CNIH3: variants seen among roughly 807,000 people sequenced by gnomAD.
The protein encoded by CNIH3 is protein cornichon homolog 3.
In CNIH3, 14 loss-of-function variants were observed where a neutral mutation model predicts 24.1. The observed-to-expected ratio is 0.58, with a 90% CI of 0.38 to 0.91. The LOEUF (loss-of-function observed/expected upper bound fraction) is 0.91, where lower values mean the gene tolerates loss of function less well. Ranked by LOEUF, CNIH3 falls within the 40% of genes least tolerant of loss-of-function variation. CNIH3 has a pLI of 0.00. For missense variants in CNIH3, 178 were observed against 196.8 expected, an observed-to-expected ratio of 0.90 and a Z score of 0.57; for synonymous variants, 68 against 73.8, an observed-to-expected ratio of 0.92 and a Z score of 0.40.
intron 1 of CNIH3, among the ~76,000 whole-genome samples, chr1:224,461,943 T>C (rs941702817): frequency 2.6e-5 from 4 of 152,248 alleles, no homozygotes; most frequent in Admixed American, 6.5e-5. Context: ...CACAGTGTTT[T>C]CAATGTTCAT....
At chr1:224,438,115 G>A (rs1020596135) in intron 1 of CNIH3, among the ~76,000 whole-genome samples, 14 of 151,914 alleles carry the variant, frequency 9.2e-5, no homozygotes, top group African/African-American at 3.4e-4. Context: ...TAGTAGAGAC[G>A]GGGTTTCACC....
chr1:224,579,253 G>A (rs969025), intron 4 of CNIH3, among the ~76,000 whole-genome samples: 34,182 of 151,650 alleles, frequency 0.23, 4,191 homozygotes, highest in Admixed American at 0.33. Context: ...GTTGTTTTCT[G>A]TTTATTTATT....
intron 3 of CNIH3, among the ~76,000 whole-genome samples, chr1:224,597,154 A>AAAACAAAC (rs1041297030): frequency 7.0e-6 from 1 of 143,398 alleles, no homozygotes; most frequent in African/African-American, 2.6e-5. Flanking sequence ...CTCTGTCTCA[A>AAAACAAAC]AAACAAACAA....
intron 3 of CNIH3, among the ~76,000 whole-genome samples, chr1:224,685,254 C>A (rs1393600146): frequency 6.6e-6 from 1 of 152,152 alleles, no homozygotes; most frequent in Non-Finnish European, 1.5e-5. Context: ...GAGGTTGCAG[C>A]GTGTCACGCA....
At chr1:224,554,659 G>A (rs1005474906) in intron 3 of CNIH3, among the ~76,000 whole-genome samples, 14 of 151,790 alleles carry the variant, frequency 9.2e-5, no homozygotes, top group African/African-American at 3.1e-4. Flanking sequence ...TCACGGCTTA[G>A]TGAAGCCTTG....
intron 1 of CNIH3, among the ~76,000 whole-genome samples, chr1:224,626,362 T>C (rs1194234684): frequency 6.6e-6 from 1 of 152,200 alleles, no homozygotes; most frequent in Non-Finnish European, 1.5e-5. Context: ...AATGCACAGC[T>C]AGATCCTGAA....
At chr1:224,551,389 G>A (rs1252704427) in intron 3 of CNIH3, among the ~76,000 whole-genome samples, 2 of 152,138 alleles carry the variant, frequency 1.3e-5, no homozygotes, top group African/African-American at 4.8e-5. Flanking sequence ...ATACTATGCA[G>A]CCATAAAAAA....
At chr1:224,674,736 T>C (rs116656568) in intron 1 of CNIH3, among the ~76,000 whole-genome samples, 1,582 of 152,048 alleles carry the variant, frequency 0.01, 9 homozygotes, top group Non-Finnish European at 0.015. Context: ...ACTTCTAGCG[T>C]GTTCTCTGTT....
At chr1:224,685,205 G>A (rs140392655) in intron 3 of CNIH3, among the ~76,000 whole-genome samples, 2 of 152,168 alleles carry the variant, frequency 1.3e-5, no homozygotes, top group Non-Finnish European at 2.9e-5. Context: ...ACTCCCCGCC[G>A]ACCTTGGGAA....
intron 5 of CNIH3, 23 bp downstream of exon 5, chr1:224,734,729 G>A: frequency 1.2e-6 from 2 of 1,611,574 alleles, no homozygotes; most frequent in Non-Finnish European, 1.7e-6. Flanking sequence ...CCCTCCTGGT[G>A]GTTTTGACTC....
chr1:224,563,738 G>T (rs1193655009), intron 3 of CNIH3, among the ~76,000 whole-genome samples: 1 of 152,132 alleles, frequency 6.6e-6, no homozygotes, highest in African/African-American at 2.4e-5. Context: ...TCCATTCTAG[G>T]ATTGGACAAA....
intron 1 of CNIH3, among the ~76,000 whole-genome samples, chr1:224,642,815 C>T (rs1396755796): frequency 1.3e-5 from 2 of 152,204 alleles, no homozygotes; most frequent in Non-Finnish European, 2.9e-5. Flanking sequence ...CCACACATAT[C>T]TGGGTCTTGC....
chr1:224,728,099 T>C (rs949323991), intron 3 of CNIH3, among the ~76,000 whole-genome samples: 3 of 152,114 alleles, frequency 2.0e-5, no homozygotes, highest in African/African-American at 4.8e-5. Context: ...AGATTTGTCA[T>C]TGGAATTGGA....
chr1:224,739,532 C>A lies in CNIH3; in HGVS notation c.*176C>A. ...CGCAGCAGCTGGGAGCCGAGTTAAC[C>A]CTGCGTGTCTGTGTCACCCTGTTTG... On this transcript the variant is annotated 3_prime_UTR_variant, in exon 6 of 6. Transcript: ENST00000272133. 2.6e-6 allele frequency: 3 copies of A among 1,172,962 alleles called. No homozygotes were observed. Among genetic ancestry groups the A allele is most frequent in the African/African-American group, 1.5e-5 (1 of 64,620 alleles). 72.7% of individuals were successfully genotyped at this position (1,172,962 alleles called of 1,614,324 possible).
At chr1:224,571,493 G>A (rs532337351) in intron 4 of CNIH3, among the ~76,000 whole-genome samples, 1 of 152,188 alleles carries the variant, frequency 6.6e-6, no homozygotes, top group East Asian at 1.9e-4. Context: ...GGGAGGCTGA[G>A]GTGGACGGAT....
Position 224,501,530 on chromosome 1 carries a change from T to TATATATATAC in CNIH3, n.204-14211_204-14210insATATATATAC, listed in dbSNP as rs201633019. On this transcript the variant is annotated intron_variant and non_coding_transcript_variant, in intron 1 of 5. Coordinates refer to the CNIH3 transcript ENST00000471578. ...CTATATATATATATATATATATTTT[T>TATATATATAC]TTTTTTTAACCCCAGAGTTCATGTT... 5.0e-4 allele frequency among the ~76,000 whole-genome samples: 74 copies of TATATATATAC among 149,488 alleles called. 2 individuals carry two copies. The highest frequency in any genetic ancestry group is 2.7e-3 in the East Asian group (14 of 5,154).
Position 224,739,478 on chromosome 1 carries a change from G to C in CNIH3, c.*122G>C. The C allele has an allele frequency of 1.3e-6, 2 of 1,540,198 alleles. No individual in the cohort carries two copies. The highest frequency in any genetic ancestry group is 2.5e-5 in the South Asian group (2 of 79,714). ...GATACGTGAGAAATAGACCCGGCAG[G>C]CAGTCAGACTGAATGGGAGCTGGAA... is the stretch of plus-strand genomic sequence containing the variant. On this transcript the variant is annotated 3_prime_UTR_variant, in exon 6 of 6. Coordinates refer to ENST00000272133, the MANE Select transcript of CNIH3 (RefSeq NM_152495.2).
chr1:224,610,935 A>C (rs971015607), intron 3 of CNIH3, among the ~76,000 whole-genome samples: 1 of 152,192 alleles, frequency 6.6e-6, no homozygotes, highest in African/African-American at 2.4e-5. Context: ...GGGCACCTGG[A>C]AATTGTATTA....
chr1:224,490,041 G>C (rs973717610), intron 1 of CNIH3, among the ~76,000 whole-genome samples: 1 of 152,176 alleles, frequency 6.6e-6, no homozygotes, highest in African/African-American at 2.4e-5. Context: ...ATAGGGACAA[G>C]TAAGCAAGTT....
Sources: allele counts gnomAD v4.1 joint callset (sites outside exome capture counted in the v4.1 genomes callset), GRCh38; gene constraint gnomAD v4.1.1; transcripts MANE v1.5; gene names NCBI Gene and HGNC (gene_info 2026-07-23, HGNC 2026-07-21).